Variants in SLC44A5 observed in about 807,000 individuals in gnomAD.
SLC44A5 encodes choline transporter-like protein 5.
A neutral mutation model predicts 101.8 loss-of-function variants in SLC44A5; 57 were observed. The ratio of observed to expected loss-of-function variants is 0.56; its 90% CI spans 0.45 to 0.70. The LOEUF is 0.70. Ranked by LOEUF, SLC44A5 falls within the 30% of genes least tolerant of loss-of-function variation. The probability of loss-of-function intolerance (pLI) is 0.00; values close to 1 mark genes in which losing one functional copy is unlikely to be tolerated. For synonymous variants in SLC44A5, 281 were observed against 290.9 expected (o/e 0.97, Z 0.35); for missense variants, 737 against 853.1 (o/e 0.86, Z 1.70).
chr1:75,708,766 A>G, the SLC44A5 span, among the ~76,000 whole-genome samples: 1 of 152,316 alleles, frequency 6.6e-6, no homozygotes, highest in African/African-American at 2.4e-5. Flanking sequence ...TCAACTTTGT[A>G]AAAATAAGAT....
intron 5 of SLC44A5, among the ~76,000 whole-genome samples, chr1:75,279,985 A>G (rs1652270620): frequency 6.7e-6 from 1 of 150,358 alleles, no homozygotes; most frequent in Admixed American, 6.8e-5. Flanking sequence ...TCCATCTATA[A>G]GCGAGAATAT....
At position 75,413,609 on chromosome 1, in the gene SLC44A5, T is replaced by A. The variant is rs115609225; in HGVS notation, c.14-16988A>T. On this transcript the variant is annotated intron_variant, in intron 2 of 23. Coordinates refer to ENST00000370859, the MANE Select transcript of SLC44A5 (RefSeq NM_001130058.2). ...ACAATGTGAGGTGCTCAATAAATAT[T>A]TGCTAACAGGATTATAAAATTTTCA... 4.7e-3 allele frequency among the ~76,000 whole-genome samples: 718 copies of A among 152,290 alleles called. 3 individuals are homozygous for A. Among genetic ancestry groups the A allele is most frequent in the African/African-American group, 0.017 (689 of 41,552 alleles).
chr1:75,646,541 T>A, the SLC44A5 span, among the ~76,000 whole-genome samples: 1 of 152,096 alleles, frequency 6.6e-6, no homozygotes. Context: ...CCAAATCTCA[T>A]ATTGAATTGC....
At chr1:75,488,004 C>T (rs780281882) in intron 2 of SLC44A5, among the ~76,000 whole-genome samples, 6 of 151,834 alleles carry the variant, frequency 4.0e-5, no homozygotes, top group Admixed American at 6.6e-5. Flanking sequence ...CTATTGTGAA[C>T]TGCACATGCA....
intron 4 of SLC44A5, among the ~76,000 whole-genome samples, chr1:75,332,907 A>T (rs1323086082): frequency 6.6e-6 from 1 of 152,220 alleles, no homozygotes; most frequent in East Asian, 1.9e-4. Context: ...TCATTGTGAC[A>T]ACACTGTGCT....
chr1:75,237,839 A>G (rs1258678858), intron 10 of SLC44A5, among the ~76,000 whole-genome samples: 1 of 152,096 alleles, frequency 6.6e-6, no homozygotes, highest in African/African-American at 2.4e-5. Context: ...TTATACTCCT[A>G]AAGTCTTTTA....
At position 75,231,054 on chromosome 1, in the gene SLC44A5, A is replaced by T. The variant is rs550978605; in HGVS notation, c.853+2932T>A. Among the ~76,000 whole-genome samples the T allele has an allele frequency of 2.6e-5, 4 of 152,346 alleles. No homozygotes were observed. In the South Asian group the frequency reaches 8.3e-4, roughly 32 times the overall value. On this transcript the variant is annotated intron_variant, in intron 12 of 23. Coordinates refer to ENST00000370859, the MANE Select transcript of SLC44A5 (RefSeq NM_001130058.2). The stretch of plus-strand genomic sequence containing the variant: ...CGGACTTTATTGATCTGAATCTGTG[A>T]AAACCTGGTGATGTTAATTGAGGAA...
chr1:75,262,332 T>C (rs1650592082), intron 6 of SLC44A5, among the ~76,000 whole-genome samples: 3 of 152,138 alleles, frequency 2.0e-5, no homozygotes, highest in Admixed American at 1.3e-4. Context: ...AGCATTCCTA[T>C]ACACCAAGAA....
chr1:75,221,550 C>A (rs926001803), intron 14 of SLC44A5, among the ~76,000 whole-genome samples: 2 of 152,110 alleles, frequency 1.3e-5, no homozygotes, highest in Non-Finnish European at 2.9e-5. Context: ...TCTGGTGCTC[C>A]TAGAATCAAT....
rs763621367 is a variant in SLC44A5 at position 75,213,967 on chromosome 1, T to C, written c.1825A>G (p.Thr609Ala). 1.3e-6 allele frequency: 2 copies of C among 1,594,212 alleles called. No individual in the cohort carries two copies. Among genetic ancestry groups the C allele is most frequent in the Non-Finnish European group, 1.7e-6 (2 of 1,166,636 alleles). ...TTCCCCAGGAATAATACAAAGTATG[T>C]AACTTCATCTGTAACTGCAACTCTG... ...VLKVAVTDEVTYFVLFLGKLL... is the reference protein window; with the variant it reads ...VLKVAVTDEVAYFVLFLGKLL... Residue 609 changes from threonine to alanine, a missense_variant, in exon 21 of 24, where the codon ACA becomes GCA. Transcript: ENST00000370859.
intron 1 of SLC44A5, among the ~76,000 whole-genome samples, chr1:75,552,178 T>C (rs1198452008): frequency 6.6e-6 from 1 of 152,134 alleles, no homozygotes; most frequent in Non-Finnish European, 1.5e-5. Context: ...TTTCTACATG[T>C]CTGTGTCTCA....
chr1:75,217,400 G>A lies in SLC44A5; in HGVS notation c.1624+466C>T, dbSNP rs150047847. On this transcript the variant is annotated intron_variant, in intron 18 of 23. Coordinates refer to ENST00000370859, the MANE Select transcript of SLC44A5 (RefSeq NM_001130058.2). ...CTTTTCAAGTCTTTTTCCAATATTA[G>A]TAATAAAATATTTTAAGGTACATTC... Among the ~76,000 whole-genome samples, 290 of 151,950 alleles carry A rather than the reference G, an allele frequency of 1.9e-3. 1 individual carries two copies. The highest frequency in any genetic ancestry group is 6.7e-3 in the African/African-American group (278 of 41,442).
Position 75,218,355 on chromosome 1 carries a change from T to C in SLC44A5, c.1529+135A>G, listed in dbSNP as rs1267458953. ...TGGCTATGAAACCAGACAAAACCAA[T>C]GGGCATCCATGAATTTTGATTCATA... is the stretch of plus-strand genomic sequence containing the variant. On this transcript the variant is annotated intron_variant, in intron 17 of 23. Transcript: ENST00000370859. 2.1e-5 allele frequency: 25 copies of C among 1,213,276 alleles called. No individual in the cohort carries two copies. The Admixed American group carries it at 2.8e-4, about 14-fold the overall frequency. 75.2% of individuals were successfully genotyped at this position (1,213,276 alleles called of 1,614,324 possible).
At chr1:75,473,627 C>T (rs971331783) in intron 2 of SLC44A5, among the ~76,000 whole-genome samples, 7 of 152,180 alleles carry the variant, frequency 4.6e-5, no homozygotes, top group African/African-American at 1.7e-4. Flanking sequence ...TGTTTAATTT[C>T]AAGAGATAAT....
At chr1:75,493,411 T>C (rs1000517206) in intron 2 of SLC44A5, among the ~76,000 whole-genome samples, 6 of 152,160 alleles carry the variant, frequency 3.9e-5, no homozygotes, top group East Asian at 1.9e-4. Context: ...AATATATGTG[T>C]AATCTAACAA....
intron 4 of SLC44A5, among the ~76,000 whole-genome samples, chr1:75,330,148 T>C (rs200056380): frequency 1.3e-5 from 1 of 74,762 alleles, no homozygotes; most frequent in Non-Finnish European, 2.9e-5. Flanking sequence ...CACATGCATA[T>C]ACGTATATGC....
intron 3 of SLC44A5, among the ~76,000 whole-genome samples, chr1:75,341,964 C>T (rs904987744): frequency 2.0e-5 from 3 of 152,156 alleles, no homozygotes; most frequent in Admixed American, 1.3e-4. Context: ...CTCTGATGCA[C>T]AGACAGATTT....
intron 3 of SLC44A5, among the ~76,000 whole-genome samples, chr1:75,345,631 G>A (rs1658196399): frequency 6.6e-6 from 1 of 152,110 alleles, no homozygotes; most frequent in Non-Finnish European, 1.5e-5. Flanking sequence ...ATAACTTTTA[G>A]AAGGAGAGAA....
chr1:75,608,980 T>C (rs139604797), intron 1 of SLC44A5, among the ~76,000 whole-genome samples: 499 of 152,134 alleles, frequency 3.3e-3, no homozygotes, highest in Non-Finnish European at 4.4e-3. Flanking sequence ...CTTCCCTATG[T>C]ATAGTGTAAA....
Sources: gnomAD v4.1 joint callset for allele counts (sites outside exome capture counted in the v4.1 genomes callset) on GRCh38, gnomAD v4.1.1 for gene constraint, MANE v1.5 for transcripts, NCBI Gene and HGNC (gene_info 2026-07-23, HGNC 2026-07-21) for gene names.